The following ZNF517 variants were observed in gnomAD, a reference collection of about 807,000 sequenced individuals.
ZNF517 encodes the protein zinc finger protein 517.
ZNF517 carries 12 observed loss-of-function variants against 12.1 expected under a neutral mutation model. The ratio of observed to expected loss-of-function variants is 0.99; its 90% CI spans 0.63 to 1.61. The LOEUF (loss-of-function observed/expected upper bound fraction) is 1.61, where lower values mean the gene tolerates loss of function less well. Ranked by LOEUF, ZNF517 falls within the 40% of genes most tolerant of loss-of-function variation. ZNF517 has a pLI of 0.00. For missense variants in ZNF517, 781 were observed against 693.2 expected (o/e 1.13, Z -1.42); for synonymous variants, 388 against 310.2 (o/e 1.25, Z -2.63).
intron 4 of ZNF517, among the ~76,000 whole-genome samples, chr8:144,806,607 C>A (rs1464487725): frequency 6.6e-6 from 1 of 152,066 alleles, no homozygotes; most frequent in Non-Finnish European, 1.5e-5. Context: ...GCCTCAGCCT[C>A]CTGAGTAGCT....
In ZNF517 at chr8:144,807,242, C is replaced by CCAGG. The variant is rs1827269759; in HGVS notation, c.335_338dup (p.Leu114ArgfsTer30). 2 of 1,549,092 alleles carry CCAGG rather than the reference C, an allele frequency of 1.3e-6. No individual in the cohort carries two copies. Among genetic ancestry groups the CCAGG allele is most frequent in the Admixed American group, 2.1e-5 (1 of 48,158 alleles). On this transcript the variant is annotated frameshift_variant, in exon 5 of 5. Coordinates refer to ENST00000359971, the MANE Select transcript of ZNF517 (RefSeq NM_213605.3). LOFTEE classifies it low-confidence loss of function (END_TRUNC). Reference sequence around the variant, plus strand: ...GAGTCTCCTCTGCAGAGAAAGCTCTCCAGGCAGGCAGGACTGCCGGGCACC... The same window carrying CCAGG: ...GAGTCTCCTCTGCAGAGAAAGCTCTCCAGGCAGGCAGGCAGGACTGCCGGGCACC...
At chr8:144,804,413 T>C (rs923158584) in intron 4 of ZNF517, among the ~76,000 whole-genome samples, 175 bp downstream of exon 4, 18 of 152,184 alleles carry the variant, frequency 1.2e-4, no homozygotes, top group African/African-American at 4.1e-4. Flanking sequence ...AACTAACTTA[T>C]GCAGGAAGAC....
At chr8:144,799,954 A>G (rs1826876427) in intron 1 of ZNF517, among the ~76,000 whole-genome samples, 1 of 152,192 alleles carries the variant, frequency 6.6e-6, no homozygotes, top group African/African-American at 2.4e-5. Context: ...AACAGCAACA[A>G]CAAAAAAGAG....
chr8:144,802,803 G>A, intron 1 of ZNF517, 67 bp from the exon 2 acceptor site: 1 of 1,593,782 alleles, frequency 6.3e-7, no homozygotes. Context: ...GATCTGGAGG[G>A]GCCTTCTGGG....
At chr8:144,800,624 TGCCCTGGACAGACA>T (rs1486915133) in intron 1 of ZNF517, 1 of 985,272 alleles carries the variant, frequency 1.0e-6, no homozygotes, top group Non-Finnish European at 1.2e-6. Context: ...TGCCACAGAC[TGCCCTGGACAGACA>T]GTGAGTGGGG....
Position 144,807,667 on chromosome 8 carries a change from C to T in ZNF517, c.751C>T (p.His251Tyr), listed in dbSNP as rs1827319987. The change falls in exon 5 of 5, where the codon CAC (histidine) becomes TAC (tyrosine). Residue 251 changes from histidine to tyrosine, a missense_variant. His to Tyr is a moderately conservative substitution (Grantham distance 83, BLOSUM62 2). Transcript: ENST00000359971. ...CCGGCAGAGCACGCAGCTGGCTGCC[C>T]ACCACCGCGTCCACACCCGCGAGCG... ...AFRQSTQLAA[H>Y]HRVHTRERPY... 2 of 1,609,076 alleles carry T rather than the reference C, an allele frequency of 1.2e-6. No homozygotes were observed. The highest frequency in any genetic ancestry group is 1.7e-5 in the Admixed American group (1 of 59,828).
chr8:144,808,387 G>A lies in ZNF517; in HGVS notation c.1471G>A (p.Ala491Thr). 1 of 1,455,896 alleles carries A rather than the reference G, an allele frequency of 6.9e-7. No individual in the cohort carries two copies. Among genetic ancestry groups the A allele is most frequent in the South Asian group, 1.5e-5 (1 of 68,004 alleles). 90.2% of individuals were successfully genotyped at this position (1,455,896 alleles called of 1,614,324 possible). The change falls in exon 5 of 5, where the codon GCT (alanine) becomes ACT (threonine). Residue 491 changes from alanine to threonine, a missense_variant. Coordinates refer to ENST00000359971, the MANE Select transcript of ZNF517 (RefSeq NM_213605.3). Reference protein sequence around the residue: ...DTEGRRAPCWAS With the variant: ...DTEGRRAPCWTS ...AGAGGGCAGGCGGGCGCCCTGTTGG[G>A]CTTCCTGATGACGGGGACGACAGGC...
Position 144,809,895 on chromosome 8 carries a change from G to T in ZNF517, c.*1500G>T. The stretch of plus-strand genomic sequence containing the variant: ...GGTGAGACCCCCGTCTCTACTAAAA[G>T]TACAAAAAGTAGCTGGGTGTGGTGC... On this transcript the variant is annotated 3_prime_UTR_variant, in exon 5 of 5. Coordinates refer to ENST00000359971, the MANE Select transcript of ZNF517 (RefSeq NM_213605.3). 1 of 354,042 alleles carries T rather than the reference G, an allele frequency of 2.8e-6. No individual in the cohort carries two copies. The highest frequency in any genetic ancestry group is 4.4e-5 in the Admixed American group (1 of 22,752). The allele number at this position is 354,042 out of a possible 1,614,324, so 21.9% of individuals were successfully genotyped here.
At chr8:144,799,874 A>G (rs1451034811) in intron 1 of ZNF517, among the ~76,000 whole-genome samples, 1 of 152,178 alleles carries the variant, frequency 6.6e-6, no homozygotes, top group African/African-American at 2.4e-5. Flanking sequence ...CGGGAGGCGG[A>G]GCTTGCAGTG....
In ZNF517 at chr8:144,807,529, T is replaced by C; in HGVS notation, c.613T>C (p.Phe205Leu). 1.3e-6 allele frequency: 2 copies of C among 1,596,070 alleles called. No individual in the cohort carries two copies. The highest frequency in any genetic ancestry group is 2.3e-5 in the South Asian group (2 of 88,718). The change falls in exon 5 of 5, where the codon TTC becomes CTC. Residue 205 changes from phenylalanine (F) to leucine (L), a missense_variant. Physicochemically the swap from Phe to Leu is conservative, Grantham distance 22 (BLOSUM62 0). Coordinates refer to ENST00000359971, the MANE Select transcript of ZNF517 (RefSeq NM_213605.3). ...GATCATCCACACCGGCGCCAAGCCC[T>C]TCCAGTGCACAGAGTGCGGGAAGGC... is the stretch of plus-strand genomic sequence containing the variant. ...HQIIHTGAKP[F>L]QCTECGKAFK... is the part of the protein sequence containing the mutation.
At position 144,808,381 on chromosome 8, in the gene ZNF517, T is replaced by C. The variant is rs758030990; in HGVS notation, c.1465T>C (p.Cys489Arg). 4.2e-5 allele frequency: 61 copies of C among 1,454,280 alleles called. No homozygotes were observed. Among genetic ancestry groups the C allele is most frequent in the Non-Finnish European group, 5.4e-5 (60 of 1,103,600 alleles). The allele number at this position is 1,454,280 out of a possible 1,614,324, so 90.1% of individuals were successfully genotyped here. A position where few individuals can be genotyped will look rare whatever the true frequency, so the allele number is the denominator to read the frequency against. ...GGACACAGAGGGCAGGCGGGCGCCC[T>C]GTTGGGCTTCCTGATGACGGGGACG... ...GEDTEGRRAP[C>R]WAS Residue 489 changes from cysteine (C) to arginine (R), a missense_variant, in exon 5 of 5, where the codon TGT (cysteine) becomes CGT (arginine). Transcript: ENST00000359971.
chr8:144,803,862 T>G (rs1185657981), intron 3 of ZNF517, 95 bp downstream of exon 3: 18 of 1,510,156 alleles, frequency 1.2e-5, no homozygotes, highest in Non-Finnish European at 1.6e-5. Context: ...GTCTGACACA[T>G]TTTTGAGGGG....
intron 1 of ZNF517, chr8:144,800,500 G>A (rs2130413742): frequency 1.0e-6 from 1 of 985,308 alleles, no homozygotes; most frequent in East Asian, 1.1e-4. Context: ...AGGGTGGTAT[G>A]TGTTGAGGGG....
downstream of ZNF517, among the ~76,000 whole-genome samples, chr8:144,813,208 C>T (rs958271791): frequency 6.0e-5 from 9 of 150,490 alleles, no homozygotes; most frequent in African/African-American, 1.2e-4. Flanking sequence ...TCCAGCTACT[C>T]GGGAGGCTGA....
Position 144,809,939 on chromosome 8 carries a change from G to C in ZNF517, c.*1544G>C. On this transcript the variant is annotated 3_prime_UTR_variant, in exon 5 of 5. Coordinates refer to ENST00000359971, the MANE Select transcript of ZNF517 (RefSeq NM_213605.3). The stretch of plus-strand genomic sequence containing the variant: ...GTGGTGCTGGGTGCCTGTAATCCCA[G>C]CTACTCGGGAGGCTGAAGCAGGAGA... 1 of 413,652 alleles carries C rather than the reference G, an allele frequency of 2.4e-6. No homozygotes were observed. The highest frequency in any genetic ancestry group is 4.3e-6 in the Non-Finnish European group (1 of 230,560). 25.6% of individuals were successfully genotyped at this position (413,652 alleles called of 1,614,324 possible).
intron 2 of ZNF517, 79 bp downstream of exon 2, chr8:144,803,026 T>C: frequency 7.0e-6 from 11 of 1,582,014 alleles, no homozygotes; most frequent in African/African-American, 1.3e-5. Context: ...CTGAGAACCT[T>C]ACAGCTTGCC....
chr8:144,803,896 C>A lies in ZNF517; in HGVS notation c.160+129C>A, dbSNP rs1207896047. 3 of 1,378,842 alleles carry A rather than the reference C, an allele frequency of 2.2e-6. No individual in the cohort carries two copies. In the African/African-American group the frequency reaches 4.3e-5, roughly 20 times the overall value. The allele number at this position is 1,378,842 out of a possible 1,614,324, so 85.4% of individuals were successfully genotyped here. On this transcript the variant is annotated intron_variant, in intron 3 of 4. Coordinates refer to ENST00000359971, the MANE Select transcript of ZNF517 (RefSeq NM_213605.3). ...GGAAGCTGGAGGCTCCCCAAGGAGC[C>A]CCTCTCTGCTTCCTGTTGGGCACCC...
At chr8:144,810,875 G>C (rs1291799360), downstream of ZNF517, 1 of 152,744 alleles carries the variant, frequency 6.5e-6, no homozygotes, top group African/African-American at 2.4e-5. Context: ...GCAGGTCATG[G>C]CATGCCCGGC....
Position 144,807,448 on chromosome 8 carries a change from T to C in ZNF517, c.532T>C (p.Tyr178His). 6.3e-7 allele frequency: 1 copy of C among 1,575,684 alleles called. No homozygotes were observed. The change falls in exon 5 of 5, where the codon TAC (tyrosine) becomes CAC (histidine). Residue 178 changes from tyrosine (Y) to histidine (H), a missense_variant. Physicochemically the swap from Tyr to His is moderately conservative, Grantham distance 83. Coordinates refer to ENST00000359971, the MANE Select transcript of ZNF517 (RefSeq NM_213605.3). ...GRPVGSSAPRYRCVCGKAFRY... is the reference protein window; with the variant it reads ...GRPVGSSAPRHRCVCGKAFRY... ...GCCTGTGGGGAGCTCAGCCCCCCGC[T>C]ACAGGTGCGTGTGCGGCAAGGCGTT...
Sources: allele counts gnomAD v4.1 joint callset (sites outside exome capture counted in the v4.1 genomes callset), GRCh38; gene constraint gnomAD v4.1.1; transcripts MANE v1.5; gene names NCBI Gene and HGNC (gene_info 2026-07-23, HGNC 2026-07-21).